GSK3B: variants seen among roughly 807,000 people sequenced by gnomAD.
GSK3B encodes glycogen synthase kinase-3 beta.
In GSK3B, 15 loss-of-function variants were observed where a neutral mutation model predicts 56.4. The ratio of observed to expected loss-of-function variants is 0.27; its 90% CI spans 0.18 to 0.41. GSK3B has a LOEUF of 0.41. Among genes scored for constraint, GSK3B ranks in the 10% least tolerant of loss-of-function variants. The probability of loss-of-function intolerance (pLI) is 1.00; values close to 1 mark genes in which losing one functional copy is unlikely to be tolerated. For missense variants in GSK3B, 300 were observed against 513.4 expected, an observed-to-expected ratio of 0.58 and a Z score of 4.02; for synonymous variants, 181 against 188.9, an observed-to-expected ratio of 0.96 and a Z score of 0.34.
At chr3:119,924,854 T>C (rs1354097567) in intron 3 of GSK3B, among the ~76,000 whole-genome samples, 1 of 152,204 alleles carries the variant, frequency 6.6e-6, no homozygotes, top group Non-Finnish European at 1.5e-5. Flanking sequence ...ACTGAGTAAT[T>C]GTGACAGAGA....
At chr3:120,007,928 C>G (rs573125184) in intron 1 of GSK3B, among the ~76,000 whole-genome samples, 4 of 152,230 alleles carry the variant, frequency 2.6e-5, no homozygotes, top group Admixed American at 6.5e-5. Context: ...GGCAATCAGG[C>G]AAGAAAAAGC....
chr3:120,068,120 C>T (rs568202130), intron 1 of GSK3B, among the ~76,000 whole-genome samples: 1 of 152,046 alleles, frequency 6.6e-6, no homozygotes. Context: ...GGGCCAGGCG[C>T]GGTGGCTCAT....
chr3:119,978,923 A>G (rs2057435076), intron 2 of GSK3B, among the ~76,000 whole-genome samples: 1 of 152,186 alleles, frequency 6.6e-6, no homozygotes, highest in African/African-American at 2.4e-5. Context: ...CTCTTCAGAA[A>G]GACGATTCCG....
At chr3:119,894,939 T>C (rs2056545771) in intron 7 of GSK3B, among the ~76,000 whole-genome samples, 1 of 152,184 alleles carries the variant, frequency 6.6e-6, no homozygotes, top group Non-Finnish European at 1.5e-5. Flanking sequence ...ATTATAAGTG[T>C]ATATAGTTTT....
chr3:119,851,719 C>G (rs1450129853), intron 9 of GSK3B, among the ~76,000 whole-genome samples: 1 of 152,194 alleles, frequency 6.6e-6, no homozygotes, highest in African/African-American at 2.4e-5. Flanking sequence ...AGCAGACATT[C>G]TTTTTCTTCT....
Position 119,825,174 on chromosome 3 carries a change from A to T in GSK3B, c.*1614T>A, listed in dbSNP as rs2055483849. On this transcript the variant is annotated 3_prime_UTR_variant, in exon 11 of 11. Transcript: ENST00000264235. The stretch of plus-strand genomic sequence containing the variant: ...AACTGATTGTGCCTTAAAGATTCAT[A>T]GGTCAAGTAATGGCCCATAAGCACC... The T allele has an allele frequency of 4.5e-6, 1 of 220,884 alleles. No individual in the cohort carries two copies. The highest frequency in any genetic ancestry group is 9.1e-6 in the Non-Finnish European group (1 of 110,120). 13.7% of individuals were successfully genotyped at this position (220,884 alleles called of 1,614,324 possible).
At chr3:119,962,124 T>A (rs2057277915) in intron 2 of GSK3B, among the ~76,000 whole-genome samples, 2 of 152,046 alleles carry the variant, frequency 1.3e-5, no homozygotes, top group Admixed American at 1.3e-4. Flanking sequence ...CCCTGTAATC[T>A]CAGCACTTTG....
chr3:120,020,722 T>C (rs1052920150), intron 1 of GSK3B, among the ~76,000 whole-genome samples: 3 of 152,186 alleles, frequency 2.0e-5, no homozygotes, highest in African/African-American at 7.2e-5. Flanking sequence ...TATCTCTCAC[T>C]TTAAATCAAA....
At chr3:119,837,409 C>T (rs187989003) in intron 10 of GSK3B, among the ~76,000 whole-genome samples, 1 of 151,966 alleles carries the variant, frequency 6.6e-6, no homozygotes, top group Admixed American at 6.6e-5. Context: ...TCGTGATCCA[C>T]CCGCCTCGGC....
At chr3:119,962,435 A>G (rs979319324) in intron 2 of GSK3B, among the ~76,000 whole-genome samples, 5 of 151,952 alleles carry the variant, frequency 3.3e-5, no homozygotes, top group African/African-American at 9.7e-5. Flanking sequence ...CACATCATAC[A>G]CAACAGTGAA....
At chr3:119,859,184 T>A (rs79213608) in intron 9 of GSK3B, among the ~76,000 whole-genome samples, 3,956 of 143,376 alleles carry the variant, frequency 0.028, 178 homozygotes, top group African/African-American at 0.092. Flanking sequence ...TTTGTGTATA[T>A]AAAAAAAAAA....
At chr3:119,845,299 A>G (rs1264946989) in intron 9 of GSK3B, among the ~76,000 whole-genome samples, 4 of 152,228 alleles carry the variant, frequency 2.6e-5, no homozygotes, top group Non-Finnish European at 5.9e-5. Flanking sequence ...TCAACATAGT[A>G]TTGGAAGTTC....
intron 1 of GSK3B, among the ~76,000 whole-genome samples, chr3:120,063,124 T>A (rs1044357145): frequency 2.0e-5 from 3 of 152,164 alleles, no homozygotes; most frequent in Non-Finnish European, 2.9e-5. Flanking sequence ...CCAATTTTTT[T>A]AAAAAAGCAT....
chr3:119,934,722 A>G (rs1340482033), intron 3 of GSK3B, among the ~76,000 whole-genome samples: 1 of 152,184 alleles, frequency 6.6e-6, no homozygotes, highest in African/African-American at 2.4e-5. Context: ...CTGTCCATAT[A>G]GACATAAAAG....
In GSK3B at chr3:120,002,064, C is replaced by A; in HGVS notation, c.264G>T (p.Leu88Phe). The part of the protein sequence containing the change: ...SGELVAIKKV[L>F]QDKRFKNREL... ...ATTTTACCTTAAATCTCTTGTCCTG[C>A]AATACTTTCTTGATGGCGACCAGTT... Residue 88 changes from leucine to phenylalanine, a missense_variant, in exon 2 of 11, where the codon TTG becomes TTT. This residue lies in a region of GSK3B where 20 missense variants were observed against 59.1 expected (regional missense o/e 0.34). Transcript: ENST00000264235. 6.2e-7 allele frequency: 1 copy of A among 1,601,058 alleles called. No individual in the cohort carries two copies. The highest frequency in any genetic ancestry group is 8.5e-7 in the Non-Finnish European group (1 of 1,174,248).
At chr3:119,837,196 C>T (rs143817161) in intron 10 of GSK3B, among the ~76,000 whole-genome samples, 3,929 of 152,250 alleles carry the variant, frequency 0.026, 173 homozygotes, top group African/African-American at 0.088. Context: ...GCTCTGTTGC[C>T]CATGCTGGAG....
rs2055472678 is a variant in GSK3B at position 119,824,644 on chromosome 3, A to G, written c.*2144T>C. The G allele has an allele frequency of 5.0e-6, 1 of 199,102 alleles. No homozygotes were observed. 12.3% of individuals were successfully genotyped at this position (199,102 alleles called of 1,614,324 possible). On this transcript the variant is annotated 3_prime_UTR_variant, in exon 11 of 11. Coordinates refer to ENST00000264235, the MANE Select transcript of GSK3B (RefSeq NM_001146156.2). ...AGGAGTTATGCTGCCAAATACTTTG[A>G]TTTCAGACTTCTTTCAAATCTTAGC...
chr3:119,890,885 T>C (rs1398341909), intron 7 of GSK3B, among the ~76,000 whole-genome samples: 1 of 152,018 alleles, frequency 6.6e-6, no homozygotes, highest in Non-Finnish European at 1.5e-5. Flanking sequence ...ATCAGAACTA[T>C]TTTATATACA....
At chr3:119,991,682 T>C (rs1437378106) in intron 2 of GSK3B, among the ~76,000 whole-genome samples, 2 of 152,120 alleles carry the variant, frequency 1.3e-5, no homozygotes, top group African/African-American at 4.8e-5. Flanking sequence ...AACTACAGAC[T>C]TTTAAGTTGT....
Sources: gnomAD v4.1 joint callset for allele counts (sites outside exome capture counted in the v4.1 genomes callset) on GRCh38, gnomAD v4.1.1 for gene constraint, gnomAD v4.1.1 regional missense constraint, MANE v1.5 for transcripts, NCBI Gene and HGNC (gene_info 2026-07-23, HGNC 2026-07-21) for gene names.